ACTN2: variants seen among roughly 807,000 people sequenced by gnomAD.
The protein encoded by ACTN2 is actinin alpha 2, also known as alpha-actinin-2.
ACTN2 carries 39 observed loss-of-function variants against 113.8 expected under a neutral mutation model. The observed-to-expected ratio is 0.34, with a 90% CI of 0.27 to 0.45. The LOEUF is 0.45. Among genes scored for constraint, ACTN2 ranks in the 20% least tolerant of loss-of-function variants. ACTN2 has a pLI of 1.00. For missense variants in ACTN2, 992 were observed against 1,177.9 expected (o/e 0.84, Z 2.31); for synonymous variants, 429 against 444.1 (o/e 0.97, Z 0.43).
At chr1:236,716,303 T>TC (rs1166614778) in intron 1 of ACTN2, among the ~76,000 whole-genome samples, 1 of 152,116 alleles carries the variant, frequency 6.6e-6, no homozygotes, top group East Asian at 1.9e-4. Flanking sequence ...TGTTTGTGTG[T>TC]CCCCTACTCC....
chr1:236,709,247 T>C lies in ACTN2; in HGVS notation c.127-8611T>C, dbSNP rs1404931580. On this transcript the variant is annotated intron_variant, in intron 1 of 20. Coordinates refer to ENST00000366578, the MANE Select transcript of ACTN2 (RefSeq NM_001103.4). ...ATATATATATATATATATATATATA[T>C]ATATATATACACACACACACACACA... 2.4e-3 allele frequency among the ~76,000 whole-genome samples: 216 copies of C among 89,896 alleles called. 7 individuals carry two copies. Among genetic ancestry groups the C allele is most frequent in the African/African-American group, 7.4e-3 (211 of 28,442 alleles). The allele number at this position is 89,896 out of a possible 152,430, so 59.0% of individuals were successfully genotyped here.
At position 236,764,003 on chromosome 1, in the gene ACTN2, A is replaced by G. The variant is rs1328591254; in HGVS notation, c.*1384A>G. 4 of 152,338 alleles carry G rather than the reference A, an allele frequency of 2.6e-5. No homozygotes were observed. The East Asian group carries it at 7.7e-4, about 29-fold the overall frequency. 9.4% of individuals were successfully genotyped at this position (152,338 alleles called of 1,614,324 possible). ...TACAAACAAACAAAAACAGTTGCAAACAGCAATTAAAGCATTACTAGAGAA... is the reference window on the plus strand; with the variant it reads ...TACAAACAAACAAAAACAGTTGCAAGCAGCAATTAAAGCATTACTAGAGAA... On this transcript the variant is annotated 3_prime_UTR_variant, in exon 21 of 21. Transcript: ENST00000366578.
intron 4 of ACTN2, among the ~76,000 whole-genome samples, chr1:236,721,926 T>G (rs1380486243): frequency 6.6e-6 from 1 of 152,130 alleles, no homozygotes; most frequent in East Asian, 1.9e-4. Context: ...CCATTAGAGT[T>G]TTCCCCAAAA....
chr1:236,697,760 CTTTT>C (rs750251378), intron 1 of ACTN2, among the ~76,000 whole-genome samples: 7 of 125,024 alleles, frequency 5.6e-5, no homozygotes, highest in Non-Finnish European at 6.8e-5. Flanking sequence ...GAAACAAGTT[CTTTT>C]TTTTTTTTTT....
chr1:236,695,563 T>TCCGC, intron 1 of ACTN2, among the ~76,000 whole-genome samples: 1 of 100,796 alleles, frequency 9.9e-6, no homozygotes, highest in Non-Finnish European at 1.9e-5. Flanking sequence ...TGAAATGAGT[T>TCCGC]CCCCCCCCCT....
At position 236,751,321 on chromosome 1, in the gene ACTN2, G is replaced by C. The variant is rs145960459; in HGVS notation, c.1657-149G>C. Reference sequence around the variant, plus strand: ...GGAACTTGACTTCTGTGTACCTAAAGAGTTTTTTCTAAAGCATTCAGAATG... The same window carrying C: ...GGAACTTGACTTCTGTGTACCTAAACAGTTTTTTCTAAAGCATTCAGAATG... On this transcript the variant is annotated intron_variant, in intron 14 of 20. Coordinates refer to ENST00000366578, the MANE Select transcript of ACTN2 (RefSeq NM_001103.4). The C allele has an allele frequency of 2.0e-5, 19 of 950,904 alleles. No individual in the cohort carries two copies. In the East Asian group the frequency reaches 2.7e-4, roughly 13 times the overall value. The allele number at this position is 950,904 out of a possible 1,614,324, so 58.9% of individuals were successfully genotyped here. A position where few individuals can be genotyped will look rare whatever the true frequency, so the allele number is the denominator to read the frequency against.
At chr1:236,734,405 C>T (rs367639204) in intron 7 of ACTN2, 14 of 1,481,672 alleles carry the variant, frequency 9.4e-6, no homozygotes, top group African/African-American at 7.0e-5. Context: ...AGAACATCCA[C>T]GCGGTTAACC....
At chr1:236,759,577 T>G in intron 18 of ACTN2, 147 bp from the exon 19 acceptor site, 2 of 718,396 alleles carry the variant, frequency 2.8e-6, no homozygotes, top group Non-Finnish European at 5.2e-6. Context: ...TTGTGCTGGC[T>G]CCATCCTTCT....
At chr1:236,689,552 G>T (rs1272066593) in intron 1 of ACTN2, among the ~76,000 whole-genome samples, 1 of 151,562 alleles carries the variant, frequency 6.6e-6, no homozygotes, top group Non-Finnish European at 1.5e-5. Flanking sequence ...TAGAGACAGG[G>T]TCTCACTGTG....
At position 236,717,937 on chromosome 1, in the gene ACTN2, G is replaced by T; in HGVS notation, c.206G>T (p.Gly69Val). 6.2e-7 allele frequency: 1 copy of T among 1,614,082 alleles called. No individual in the cohort carries two copies. Among genetic ancestry groups the T allele is most frequent in the Non-Finnish European group, 8.5e-7 (1 of 1,179,994 alleles). Residue 69 changes from glycine to valine, a missense_variant, in exon 2 of 21, where the codon GGC becomes GTC. By Grantham distance (109) the Gly-to-Val change is moderately radical (BLOSUM62 -3). Coordinates refer to ENST00000366578, the MANE Select transcript of ACTN2 (RefSeq NM_001103.4). ...AACATCGAGGAAGACTTCAGGAATG[G>T]CCTTAAGCTCATGCTGCTTTTGGAA... ...IENIEEDFRN[G>V]LKLMLLLEVI...
chr1:236,727,457 G>C (rs969532552), intron 5 of ACTN2, among the ~76,000 whole-genome samples: 1 of 152,128 alleles, frequency 6.6e-6, no homozygotes, highest in African/African-American at 2.4e-5. Context: ...GCAGGAGACA[G>C]GGCAAGTCTC....
intron 6 of ACTN2, 132 bp downstream of exon 6, chr1:236,727,888 A>G: frequency 1.2e-6 from 1 of 809,262 alleles, no homozygotes; most frequent in Non-Finnish European, 2.1e-6. Context: ...GAAAAAGCAC[A>G]TTCTCCCAGC....
chr1:236,692,202 T>C (rs995760661), intron 1 of ACTN2, among the ~76,000 whole-genome samples: 1 of 152,162 alleles, frequency 6.6e-6, no homozygotes, highest in Non-Finnish European at 1.5e-5. Context: ...TTGAGAGTGA[T>C]CAGGAGGGAT....
At position 236,748,127 on chromosome 1, in the gene ACTN2, G is replaced by C. The variant is rs74146243; in HGVS notation, c.1515+352G>C. The C allele has an allele frequency of 9.9e-3, 3,186 of 321,026 alleles. 77 individuals are homozygous for C. Among genetic ancestry groups the C allele is most frequent in the African/African-American group, 0.063 (2,912 of 46,368 alleles). 19.9% of individuals were successfully genotyped at this position (321,026 alleles called of 1,614,324 possible). On this transcript the variant is annotated intron_variant, in intron 13 of 20. Coordinates refer to ENST00000366578, the MANE Select transcript of ACTN2 (RefSeq NM_001103.4). ...AGTCGGGAAATCAGAGATGTGCAAA[G>C]GGAAGATGGAACCAAGTGTTGAAGT...
intron 1 of ACTN2, among the ~76,000 whole-genome samples, chr1:236,712,800 T>C (rs80153814): frequency 0.013 from 1,908 of 152,294 alleles, 44 homozygotes; most frequent in African/African-American, 0.044. Context: ...ATGAAGAGAT[T>C]TAAATAACAG....
At chr1:236,687,428 G>T (rs1333170731) in intron 1 of ACTN2, among the ~76,000 whole-genome samples, 1 of 152,146 alleles carries the variant, frequency 6.6e-6, no homozygotes, top group Non-Finnish European at 1.5e-5. Context: ...CGTTCTCTGG[G>T]GGCCCAGTGG....
Position 236,727,733 on chromosome 1 carries a change from A to C in ACTN2, c.592A>C (p.Ile198Leu). 6.2e-7 allele frequency: 1 copy of C among 1,613,964 alleles called. No homozygotes were observed. The highest frequency in any genetic ancestry group is 8.5e-7 in the Non-Finnish European group (1 of 1,179,980). ...ALIHRHRPDL[I>L]DYSKLNKDDP... ...CATCCACCGACACCGGCCTGACCTC[A>C]TTGACTACTCAAAGCTTAACAAGGT... is the stretch of plus-strand genomic sequence containing the variant. The change falls in exon 6 of 21, where the codon ATT becomes CTT. Residue 198 changes from isoleucine (I) to leucine (L), a missense_variant. This residue lies in a region of ACTN2 where 220 missense variants were observed against 337.5 expected (regional missense o/e 0.65). Coordinates refer to ENST00000366578, the MANE Select transcript of ACTN2 (RefSeq NM_001103.4).
chr1:236,730,752 C>T (rs1658690798), intron 6 of ACTN2, among the ~76,000 whole-genome samples: 1 of 151,964 alleles, frequency 6.6e-6, no homozygotes. Context: ...GAGTTTTGCC[C>T]TTTGTAACAC....
rs753244692 is a variant in ACTN2 at position 236,747,693 on chromosome 1, A to T, written c.1433A>T (p.Asn478Ile). ...LNELDYHDAV[N>I]VNDRCQKICD... ...GAACTGGACTATCACGACGCTGTGA[A>T]TGTCAATGATCGGTGCCAGAAAATT... The change falls in exon 13 of 21, where the codon AAT becomes ATT. Residue 478 changes from asparagine (N) to isoleucine (I), a missense_variant. Coordinates refer to ENST00000366578, the MANE Select transcript of ACTN2 (RefSeq NM_001103.4). 1.5e-5 allele frequency: 24 copies of T among 1,614,162 alleles called. No individual in the cohort carries two copies. In the East Asian group the frequency reaches 5.1e-4, roughly 34 times the overall value.
Sources: gnomAD v4.1 joint callset for allele counts (sites outside exome capture counted in the v4.1 genomes callset) on GRCh38, gnomAD v4.1.1 for gene constraint, gnomAD v4.1.1 regional missense constraint, MANE v1.5 for transcripts, NCBI Gene and HGNC (gene_info 2026-07-23, HGNC 2026-07-21) for gene names.